RRM2: variants seen among roughly 807,000 people sequenced by gnomAD.
RRM2 encodes the protein ribonucleotide reductase regulatory subunit M2.
Under a neutral mutation model 45.9 loss-of-function variants are expected in RRM2, and 6 were observed. The observed-to-expected ratio is 0.13, with a 90% CI of 0.07 to 0.26. The LOEUF is 0.26. RRM2 is among the 10% of genes least tolerant of loss of function. The pLI, the probability that RRM2 is intolerant of heterozygous loss-of-function variation, is 1.00. For missense variants in RRM2, 343 were observed against 489.5 expected, an observed-to-expected ratio of 0.70 and a Z score of 2.82; for synonymous variants, 177 against 173.0, an observed-to-expected ratio of 1.02 and a Z score of -0.18.
intron 3 of RRM2, among the ~76,000 whole-genome samples, chr2:10,168,657 C>T (rs1386791179): frequency 1.3e-5 from 2 of 151,580 alleles, no homozygotes; most frequent in African/African-American, 4.9e-5. Context: ...AAAGATGTGC[C>T]GGCTCTGGCC....
At chr2:10,210,181 C>T in intron 3 of RRM2, 1 of 459,816 alleles carries the variant, frequency 2.2e-6, no homozygotes, top group Non-Finnish European at 4.0e-6. Flanking sequence ...ACTCCCACCT[C>T]CTTGTGGGCA....
At chr2:10,143,495 A>G (rs1013513888) in intron 3 of RRM2, among the ~76,000 whole-genome samples, 2 of 152,130 alleles carry the variant, frequency 1.3e-5, no homozygotes, top group African/African-American at 4.8e-5. Flanking sequence ...CTCAGCCAGC[A>G]CCTGGCCAGG....
chr2:10,151,951 AT>A (rs1572504125), intron 3 of RRM2, among the ~76,000 whole-genome samples: 2 of 52,012 alleles, frequency 3.8e-5, no homozygotes, highest in African/African-American at 2.6e-4. Context: ...TTTATTTTTT[AT>A]TTTATTTTTT....
intron 3 of RRM2, among the ~76,000 whole-genome samples, chr2:10,145,358 A>G (rs907057513): frequency 5.9e-5 from 9 of 152,200 alleles, no homozygotes; most frequent in Non-Finnish European, 1.0e-4. Context: ...ATAGAGACCT[A>G]GTGTGCACAC....
intron 3 of RRM2, among the ~76,000 whole-genome samples, chr2:10,198,400 G>A (rs975299754): frequency 1.3e-5 from 2 of 151,670 alleles, no homozygotes; most frequent in African/African-American, 4.8e-5. Flanking sequence ...CACCATCTTT[G>A]GCCCATTTTT....
intron 3 of RRM2, among the ~76,000 whole-genome samples, chr2:10,165,600 T>C (rs1663663225): frequency 6.6e-6 from 1 of 152,206 alleles, no homozygotes; most frequent in Non-Finnish European, 1.5e-5. Context: ...AATAACAGTT[T>C]TAAACAAGCT....
At chr2:10,209,619 G>A (rs1046543240) in intron 3 of RRM2, among the ~76,000 whole-genome samples, 65 of 3,004 alleles carry the variant, frequency 0.022, no homozygotes, top group Middle Eastern at 0.33. Flanking sequence ...GTGCATGCGT[G>A]TGTGTGTGTG....
At position 10,169,243 on chromosome 2, in the gene RRM2, G is replaced by C. The variant is rs1006968596; in HGVS notation, n.482+26868G>C. Among the ~76,000 whole-genome samples the C allele has an allele frequency of 9.3e-5, 14 of 151,248 alleles. No individual in the cohort carries two copies. The highest frequency in any genetic ancestry group is 1.6e-4 in the Non-Finnish European group (11 of 67,944). On this transcript the variant is annotated intron_variant and non_coding_transcript_variant, in intron 3 of 3. Transcript: ENST00000381786. The surrounding 1 kb of genome is among the most constrained non-coding windows in gnomAD (Gnocchi z 5.1). Reference sequence around the variant, plus strand: ...TCCTCCTGCCTCAGCCTCCCACAGTGCTGGGATTACAGGTGTGCGCCACTG... The same window carrying C: ...TCCTCCTGCCTCAGCCTCCCACAGTCCTGGGATTACAGGTGTGCGCCACTG...
intron 5 of RRM2, among the ~76,000 whole-genome samples, chr2:10,125,381 A>C (rs1334830784): frequency 1.3e-5 from 2 of 152,134 alleles, no homozygotes; most frequent in African/African-American, 4.8e-5. Flanking sequence ...GGGGGATTAG[A>C]AATGGGCTGC....
intron 5 of RRM2, among the ~76,000 whole-genome samples, chr2:10,126,322 C>T (rs1023938924): frequency 3.3e-5 from 5 of 151,992 alleles, no homozygotes; most frequent in Non-Finnish European, 5.9e-5. Context: ...TAAGGGAGAT[C>T]CAGTTAACTG....
At chr2:10,161,991 G>A (rs748562595) in intron 3 of RRM2, among the ~76,000 whole-genome samples, 3 of 152,220 alleles carry the variant, frequency 2.0e-5, no homozygotes, top group African/African-American at 4.8e-5. Context: ...AGGACAGAGC[G>A]CAGCCACTGG....
chr2:10,170,317 G>T (rs1428313026), intron 3 of RRM2, among the ~76,000 whole-genome samples: 1 of 152,152 alleles, frequency 6.6e-6, no homozygotes, highest in African/African-American at 2.4e-5. Context: ...GAGTTGACTT[G>T]CTTATCATGG....
intron 3 of RRM2, among the ~76,000 whole-genome samples, chr2:10,174,914 C>T (rs1365212211): frequency 2.0e-5 from 3 of 151,450 alleles, no homozygotes; most frequent in Non-Finnish European, 1.5e-5. Context: ...TATAAAGTTT[C>T]TCTTATGCAG....
In RRM2 at chr2:10,128,699, G is replaced by A. The variant is rs77551478; in HGVS notation, c.799-149G>A. ...GACATCAGCAGAGAAGTCAGTAGTTGAAGTCATCTTCCCTTTGAGAGTTCA... is the reference window on the plus strand; with the variant it reads ...GACATCAGCAGAGAAGTCAGTAGTTAAAGTCATCTTCCCTTTGAGAGTTCA... On this transcript the variant is annotated intron_variant, in intron 7 of 9. Coordinates refer to ENST00000304567, the MANE Select transcript of RRM2 (RefSeq NM_001034.4). 858 of 645,736 alleles carry A rather than the reference G, an allele frequency of 1.3e-3. 5 individuals are homozygous for A. The African/African-American group carries it at 0.014, about 11-fold the overall frequency. 40.0% of individuals were successfully genotyped at this position (645,736 alleles called of 1,614,324 possible).
intron 3 of RRM2, among the ~76,000 whole-genome samples, chr2:10,208,084 A>T (rs1007606043): frequency 2.6e-5 from 4 of 152,208 alleles, no homozygotes; most frequent in African/African-American, 7.2e-5. Context: ...GAGCCATAAG[A>T]AATAATTGGA....
In RRM2 at chr2:10,193,536, C is replaced by T. The variant is rs189478714; in HGVS notation, n.483-16775C>T. 3.9e-4 allele frequency among the ~76,000 whole-genome samples: 59 copies of T among 152,370 alleles called. 1 individual carries two copies. The highest frequency in any genetic ancestry group is 1.3e-3 in the African/African-American group (52 of 41,574). ...TGTTCTTCAAGATGCCAGCCGAGCGCGCCTGCAGGAGCCTGTCCTGCTCAG... is the reference window on the plus strand; with the variant it reads ...TGTTCTTCAAGATGCCAGCCGAGCGTGCCTGCAGGAGCCTGTCCTGCTCAG... On this transcript the variant is annotated intron_variant and non_coding_transcript_variant, in intron 3 of 3. Transcript: ENST00000381786.
intron 3 of RRM2, among the ~76,000 whole-genome samples, chr2:10,152,664 G>A (rs1004067373): frequency 8.6e-5 from 13 of 151,614 alleles, no homozygotes; most frequent in Non-Finnish European, 1.9e-4. Flanking sequence ...TGCATTTTTA[G>A]TAGATATGCA....
chr2:10,145,331 T>G (rs1276036442), intron 3 of RRM2, among the ~76,000 whole-genome samples: 7 of 152,154 alleles, frequency 4.6e-5, no homozygotes, highest in Non-Finnish European at 7.4e-5. Flanking sequence ...CATTCAAACT[T>G]TCTCAAATTC....
At chr2:10,203,928 C>T (rs1270031056) in intron 3 of RRM2, among the ~76,000 whole-genome samples, 2 of 152,110 alleles carry the variant, frequency 1.3e-5, no homozygotes, top group East Asian at 3.9e-4. Context: ...CAAATGGTGG[C>T]TGCGCCTTTC....
Sources: allele counts gnomAD v4.1 joint callset (sites outside exome capture counted in the v4.1 genomes callset), GRCh38; gene constraint gnomAD v4.1.1; non-coding constraint Gnocchi (gnomAD v3.1); transcripts MANE v1.5; gene names NCBI Gene and HGNC (gene_info 2026-07-23, HGNC 2026-07-21).